The following DDX17 variants were observed in gnomAD, a reference collection of about 807,000 sequenced individuals.
The protein encoded by DDX17 is probable ATP-dependent RNA helicase DDX17.
In DDX17, 10 loss-of-function variants were observed where a neutral mutation model predicts 80.8. The observed-to-expected ratio is 0.12, with a 90% CI of 0.08 to 0.21. The LOEUF (loss-of-function observed/expected upper bound fraction) is 0.21. DDX17 is among the 10% of genes least tolerant of loss of function. The pLI is 1.00. For missense variants in DDX17, 586 were observed against 957.4 expected, an observed-to-expected ratio of 0.61 and a Z score of 5.12; for synonymous variants, 339 against 336.2, an observed-to-expected ratio of 1.01 and a Z score of -0.09.
chr22:38,501,205 CT>C lies in DDX17; in HGVS notation c.362del (p.Lys121SerfsTer4), dbSNP rs759023106. On this transcript the variant is annotated frameshift_variant, in exon 2 of 13. Coordinates refer to ENST00000403230, the MANE Select transcript of DDX17 (RefSeq NM_006386.5). LOFTEE classifies it high-confidence loss of function. The stretch of plus-strand genomic sequence containing the variant: ...ACTTGGGGAGCTCACTCAAATCCCA[CT>C]TTTTTTTACGCAAACGCTCCCCAGG... 6.2e-7 allele frequency: 1 copy of C among 1,613,278 alleles called. No individual in the cohort carries two copies. Among genetic ancestry groups the C allele is most frequent in the Non-Finnish European group, 8.5e-7 (1 of 1,179,716 alleles).
chr22:38,490,036 G>C, intron 11 of DDX17: 1 of 1,039,422 alleles, frequency 9.6e-7, no homozygotes, highest in Non-Finnish European at 1.2e-6. Context: ...AGTATTTCTA[G>C]AAGGGGGTGC....
chr22:38,489,791 G>A lies in DDX17; in HGVS notation c.1448-1676C>T, dbSNP rs1569137731. 1 of 985,664 alleles carries A rather than the reference G, an allele frequency of 1.0e-6. No individual in the cohort carries two copies. 61.1% of individuals were successfully genotyped at this position (985,664 alleles called of 1,614,324 possible). A position where few individuals can be genotyped will look rare whatever the true frequency, so the allele number is the denominator to read the frequency against. On this transcript the variant is annotated intron_variant, in intron 11 of 12. Coordinates refer to ENST00000403230, the MANE Select transcript of DDX17 (RefSeq NM_006386.5). The surrounding 1 kb of genome is among the most constrained non-coding windows in gnomAD (Gnocchi z 4.6). ...GGGGCAGCTTGAGTCTCCGGCTAGG[G>A]TCGTTGACGCAACAAAGGAAAAAAG...
chr22:38,495,917 G>T lies in DDX17; in HGVS notation c.759C>A (p.Thr253=). 3 of 1,606,774 alleles carry T rather than the reference G, an allele frequency of 1.9e-6. No individual in the cohort carries two copies. The highest frequency in any genetic ancestry group is 2.5e-6 in the Non-Finnish European group (3 of 1,177,130). ...GCTGTACTTGCTGGGCAAGCTCTCT[G>T]GTAGGAGCCAGAACTAGACACTGAA... The change falls in exon 6 of 13, where the codon ACC becomes ACA. Residue 253 remains threonine (T), a synonymous_variant. Coordinates refer to ENST00000403230, the MANE Select transcript of DDX17 (RefSeq NM_006386.5).
rs901646026 is a variant in DDX17 at position 38,484,393 on chromosome 22, A to G, written c.*1542T>C. The G allele has an allele frequency of 1.3e-5, 2 of 152,266 alleles. No individual in the cohort carries two copies. Among genetic ancestry groups the G allele is most frequent in the Middle Eastern group, 3.2e-3 (1 of 316 alleles). The allele number at this position is 152,266 out of a possible 1,614,324, so 9.4% of individuals were successfully genotyped here. ...GAATCATACTTTCAGAACCCCTCAGAAACCATCCCTCTCTCCCTAAAGAAT... is the reference window on the plus strand; with the variant it reads ...GAATCATACTTTCAGAACCCCTCAGGAACCATCCCTCTCTCCCTAAAGAAT... On this transcript the variant is annotated 3_prime_UTR_variant, in exon 13 of 13. Coordinates refer to ENST00000403230, the MANE Select transcript of DDX17 (RefSeq NM_006386.5).
intron 1 of DDX17, chr22:38,505,251 T>C (rs1447729724): frequency 6.6e-6 from 1 of 152,158 alleles, no homozygotes; most frequent in African/African-American, 2.4e-5. Context: ...TAGTTGACGC[T>C]GCAGTCCAAT....
chr22:38,487,651 A>C (rs571461922), intron 12 of DDX17, among the ~76,000 whole-genome samples: 2 of 152,224 alleles, frequency 1.3e-5, no homozygotes, highest in South Asian at 4.1e-4. Flanking sequence ...CAAACCTCAG[A>C]CCAGTCTCTA....
chr22:38,488,285 G>A (rs1158606641), intron 11 of DDX17, 170 bp from the exon 12 acceptor site: 2 of 1,510,118 alleles, frequency 1.3e-6, no homozygotes, highest in South Asian at 1.3e-5. Flanking sequence ...TCCCAACAGA[G>A]TAAAAGAGGA....
At chr22:38,497,995 A>C in intron 5 of DDX17, 90 bp downstream of exon 5, 1 of 1,220,440 alleles carries the variant, frequency 8.2e-7, no homozygotes, top group South Asian at 1.3e-5. Context: ...TGTGGTTAAG[A>C]GTACAAATGG....
chr22:38,504,937 T>G (rs2089865899), intron 1 of DDX17, among the ~76,000 whole-genome samples: 1 of 152,022 alleles, frequency 6.6e-6, no homozygotes, highest in Non-Finnish European at 1.5e-5. Context: ...GGAGACGGAG[T>G]TTCGCTCTTG....
chr22:38,496,678 T>A (rs1401474265), intron 5 of DDX17, among the ~76,000 whole-genome samples: 1 of 152,158 alleles, frequency 6.6e-6, no homozygotes, highest in Non-Finnish European at 1.5e-5. Flanking sequence ...ATGGTCATCC[T>A]GACTTAAACT....
At chr22:38,499,558 T>A in intron 2 of DDX17, 59 bp from the exon 3 acceptor site, 1 of 1,349,454 alleles carries the variant, frequency 7.4e-7, no homozygotes, top group Non-Finnish European at 1.1e-6. Context: ...TCAGAATTTA[T>A]GTTCCAAGCT....
Position 38,494,978 on chromosome 22 carries a change from G to T in DDX17, c.949C>A (p.Arg317Ser). ...TCCAATACAAGGTAAGTACATCGGC[G>T]AAGATTTGTCTTTCCTGACTCCAGG... is the stretch of plus-strand genomic sequence containing the variant. Residue 317 changes from arginine (R) to serine (S), a missense_variant, in exon 7 of 13, where the codon CGC becomes AGC. Physicochemically the swap from Arg to Ser is moderately radical, Grantham distance 110. Coordinates refer to ENST00000403230, the MANE Select transcript of DDX17 (RefSeq NM_006386.5). The T allele has an allele frequency of 1.2e-6, 2 of 1,614,168 alleles. No individual in the cohort carries two copies. Among genetic ancestry groups the T allele is most frequent in the South Asian group, 1.1e-5 (1 of 91,072 alleles).
intron 7 of DDX17, 21 bp downstream of exon 7, chr22:38,494,865 C>A: frequency 1.9e-6 from 3 of 1,613,786 alleles, no homozygotes; most frequent in Non-Finnish European, 2.5e-6. Context: ...ATAAAGACTG[C>A]TTATTATTAG....
Position 38,484,824 on chromosome 22 carries a change from A to C in DDX17, c.*1111T>G, listed in dbSNP as rs1347250236. ...GATGCCGAAGAAAATCTGCACCCAG[A>C]AGCTGTTAGAAAGCACTGCAGAGAA... On this transcript the variant is annotated 3_prime_UTR_variant, in exon 13 of 13. Transcript: ENST00000403230. The C allele has an allele frequency of 2.6e-5, 4 of 152,370 alleles. No homozygotes were observed. The highest frequency in any genetic ancestry group is 1.9e-4 in the East Asian group (1 of 5,196). The allele number at this position is 152,370 out of a possible 1,614,324, so 9.4% of individuals were successfully genotyped here.
chr22:38,492,883 AAT>A (rs1183659906), intron 10 of DDX17, among the ~76,000 whole-genome samples: 1 of 152,250 alleles, frequency 6.6e-6, no homozygotes, highest in African/African-American at 2.4e-5. Flanking sequence ...AATATGCTAA[AAT>A]ATGACTCATT....
intron 1 of DDX17, among the ~76,000 whole-genome samples, chr22:38,503,449 C>A (rs758463376): frequency 6.6e-6 from 1 of 152,064 alleles, no homozygotes; most frequent in Non-Finnish European, 1.5e-5. Context: ...CTCCTTACTT[C>A]CCTGGCTATT....
At chr22:38,494,358 CA>C in intron 8 of DDX17, 1 of 586,046 alleles carries the variant, frequency 1.7e-6, no homozygotes, top group Non-Finnish European at 3.0e-6. Context: ...TCCCATTTCA[CA>C]GATGAAGAAA....
At chr22:38,502,127 C>T (rs974400340) in intron 1 of DDX17, among the ~76,000 whole-genome samples, 4 of 152,156 alleles carry the variant, frequency 2.6e-5, no homozygotes, top group African/African-American at 4.8e-5. Context: ...AAGAGCTGAG[C>T]CTGCCGGGGG....
intron 9 of DDX17, 50 bp from the exon 10 acceptor site, chr22:38,493,821 A>T (rs762366143): frequency 6.3e-7 from 1 of 1,575,330 alleles, no homozygotes; most frequent in East Asian, 2.2e-5. Flanking sequence ...AAAGTGGAGA[A>T]AATCGAACTT....
Sources: allele counts gnomAD v4.1 joint callset (sites outside exome capture counted in the v4.1 genomes callset), GRCh38; gene constraint gnomAD v4.1.1; non-coding constraint Gnocchi (gnomAD v3.1); transcripts MANE v1.5; gene names NCBI Gene and HGNC (gene_info 2026-07-23, HGNC 2026-07-21).